The following AKT3 variants were observed in gnomAD, a reference collection of about 807,000 sequenced individuals.
AKT3 encodes AKT serine/threonine kinase 3.
Under a neutral mutation model 65.3 loss-of-function variants are expected in AKT3, and 15 were observed. That is an observed-to-expected ratio of 0.23 (90% confidence interval 0.15 to 0.35). The LOEUF is 0.35. Among genes scored for constraint, AKT3 ranks in the 10% least tolerant of loss-of-function variants. The probability of loss-of-function intolerance (pLI) is 1.00; values close to 1 mark genes in which losing one functional copy is unlikely to be tolerated. For synonymous variants in AKT3, 206 were observed against 183.8 expected (o/e 1.12, Z -0.98); for missense variants, 243 against 576.5 (o/e 0.42, Z 5.92).
At chr1:243,590,031 T>G (rs1398291525) in intron 8 of AKT3, among the ~76,000 whole-genome samples, 2 of 152,124 alleles carry the variant, frequency 1.3e-5, no homozygotes, top group African/African-American at 4.8e-5. Context: ...ATGGGGAATC[T>G]AAAAGAATCA....
At chr1:243,699,456 C>T (rs2148036837) in intron 2 of AKT3, among the ~76,000 whole-genome samples, 1 of 117,830 alleles carries the variant, frequency 8.5e-6, no homozygotes. Flanking sequence ...TCCAACCCAA[C>T]CTCTTCCACT....
At position 243,724,472 on chromosome 1, in the gene AKT3, T is replaced by C. The variant is rs1265337409; in HGVS notation, c.47-28756A>G. Among the ~76,000 whole-genome samples, 3 of 152,270 alleles carry C rather than the reference T, an allele frequency of 2.0e-5. No homozygotes were observed. In the East Asian group the frequency reaches 5.8e-4, roughly 29 times the overall value. Reference sequence around the variant, plus strand: ...TTTTCAAAAGCATATTTTTTTCAAATGCAAAAGTAAGGAATTTTTTCCTAC... The same window carrying C: ...TTTTCAAAAGCATATTTTTTTCAAACGCAAAAGTAAGGAATTTTTTCCTAC... On this transcript the variant is annotated intron_variant, in intron 2 of 13. Coordinates refer to ENST00000673466, the MANE Select transcript of AKT3 (RefSeq NM_005465.7).
chr1:243,567,819 A>G (rs1244141435), intron 9 of AKT3, among the ~76,000 whole-genome samples: 1 of 152,144 alleles, frequency 6.6e-6, no homozygotes, highest in Non-Finnish European at 1.5e-5. Context: ...AATAAAATGT[A>G]CAGTTCTGTT....
intron 12 of AKT3, among the ~76,000 whole-genome samples, chr1:243,514,020 A>AT (rs541214483): frequency 6.6e-5 from 10 of 151,812 alleles, no homozygotes; most frequent in Admixed American, 3.3e-4. Context: ...TGTTTTTTTT[A>AT]TTTTTTTTAG....
rs1671117704 is a variant in AKT3 at position 243,526,778 on chromosome 1, T to TAAAAAAAAAAAAAAA, written c.1252-14353_1252-14352insTTTTTTTTTTTTTTT. Among the ~76,000 whole-genome samples, 16 of 55,726 alleles carry TAAAAAAAAAAAAAAA rather than the reference T, an allele frequency of 2.9e-4. 5 individuals carry two copies. Among genetic ancestry groups the TAAAAAAAAAAAAAAA allele is most frequent in the African/African-American group, 7.3e-4 (12 of 16,498 alleles). 36.6% of individuals were successfully genotyped at this position (55,726 alleles called of 152,430 possible). On this transcript the variant is annotated intron_variant, in intron 12 of 13. Transcript: ENST00000673466. Reference sequence around the variant, plus strand: ...TTGCCAGCTGCACTACAAAAAATGGTTAAAAAAAAAAAAAAAAAAAAAAAA... The same window carrying TAAAAAAAAAAAAAAA: ...TTGCCAGCTGCACTACAAAAAATGGTAAAAAAAAAAAAAAATAAAAAAAAAAAAAAAAAAAAAAAA...
intron 2 of AKT3, among the ~76,000 whole-genome samples, chr1:243,794,037 T>C (rs1290401278): frequency 6.6e-6 from 1 of 152,176 alleles, no homozygotes; most frequent in Non-Finnish European, 1.5e-5. Flanking sequence ...AAAGCATTTT[T>C]TCTTTTTTTG....
intron 8 of AKT3, among the ~76,000 whole-genome samples, chr1:243,604,912 C>T (rs1359797410): frequency 6.6e-6 from 1 of 152,148 alleles, no homozygotes; most frequent in East Asian, 1.9e-4. Flanking sequence ...ATAATCAAAT[C>T]ACTCCCAAAC....
intron 2 of AKT3, among the ~76,000 whole-genome samples, chr1:243,834,771 G>GA (rs933456088): frequency 2.6e-5 from 4 of 151,156 alleles, no homozygotes; most frequent in Non-Finnish European, 3.0e-5. Flanking sequence ...TTCTTCAGGT[G>GA]AAAAAAAATA....
chr1:243,817,325 T>C (rs1020242626), intron 2 of AKT3, among the ~76,000 whole-genome samples: 41 of 152,312 alleles, frequency 2.7e-4, no homozygotes, highest in Admixed American at 1.8e-3. Flanking sequence ...TTACACAGCA[T>C]TGGTAACTGA....
At chr1:243,579,503 C>T (rs577597198) in intron 8 of AKT3, among the ~76,000 whole-genome samples, 24 of 152,198 alleles carry the variant, frequency 1.6e-4, no homozygotes, top group Middle Eastern at 3.4e-3. Flanking sequence ...ATTTGCTGTA[C>T]TTAGGAATTA....
intron 12 of AKT3, among the ~76,000 whole-genome samples, chr1:243,536,283 G>C (rs938217995): frequency 2.6e-4 from 40 of 152,148 alleles, no homozygotes; most frequent in Middle Eastern, 6.8e-3. Flanking sequence ...GGGGACTTAA[G>C]TCACACATTC....
intron 2 of AKT3, among the ~76,000 whole-genome samples, chr1:243,816,865 G>A (rs1693556843): frequency 6.6e-6 from 1 of 152,162 alleles, no homozygotes; most frequent in Non-Finnish European, 1.5e-5. Flanking sequence ...GTGGATTACA[G>A]GAGGCCATAA....
chr1:243,604,192 A>G (rs533414475), intron 8 of AKT3, among the ~76,000 whole-genome samples: 1 of 152,084 alleles, frequency 6.6e-6, no homozygotes, highest in Non-Finnish European at 1.5e-5. Flanking sequence ...ACCACATCCG[A>G]CAACCTTATC....
intron 12 of AKT3, among the ~76,000 whole-genome samples, chr1:243,517,889 C>A (rs1670466002): frequency 6.6e-6 from 1 of 152,206 alleles, no homozygotes; most frequent in African/African-American, 2.4e-5. Context: ...ATGTGATATT[C>A]CCAACTCCTA....
intron 4 of AKT3, among the ~76,000 whole-genome samples, chr1:243,646,868 T>C (rs966304642): frequency 4.6e-5 from 7 of 152,212 alleles, no homozygotes; most frequent in Non-Finnish European, 1.0e-4. Flanking sequence ...AGCTTGTAGT[T>C]TGAACAATCA....
chr1:243,538,734 G>A (rs1023589785), intron 12 of AKT3, among the ~76,000 whole-genome samples: 8 of 151,848 alleles, frequency 5.3e-5, no homozygotes, highest in Admixed American at 2.6e-4. Flanking sequence ...AGTGATGTAT[G>A]CTTGCAATCC....
In AKT3 at chr1:243,500,867, A is replaced by T. The variant is rs1476106706; in HGVS notation, c.*4382T>A. On this transcript the variant is annotated 3_prime_UTR_variant, in exon 14 of 14. Coordinates refer to ENST00000673466, the MANE Select transcript of AKT3 (RefSeq NM_005465.7). Reference sequence around the variant, plus strand: ...CAGTAGAACTTCTATTCAGATTCAGAAGTTTTTTATTTCATCAAATGTGCT... The same window carrying T: ...CAGTAGAACTTCTATTCAGATTCAGTAGTTTTTTATTTCATCAAATGTGCT... 1.7e-5 allele frequency: 4 copies of T among 228,798 alleles called. No individual in the cohort carries two copies. The highest frequency in any genetic ancestry group is 3.5e-5 in the Non-Finnish European group (4 of 115,406). 14.2% of individuals were successfully genotyped at this position (228,798 alleles called of 1,614,324 possible).
At chr1:243,748,402 T>C (rs764294334) in intron 2 of AKT3, among the ~76,000 whole-genome samples, 1 of 151,868 alleles carries the variant, frequency 6.6e-6, no homozygotes, top group Non-Finnish European at 1.5e-5. Context: ...TTCTAGTTGA[T>C]AGGAAGGCCA....
downstream of AKT3, among the ~76,000 whole-genome samples, chr1:243,496,075 A>C (rs1193404782): frequency 6.6e-6 from 1 of 152,260 alleles, no homozygotes; most frequent in Non-Finnish European, 1.5e-5. Context: ...ACAGATGATT[A>C]TGAAACCAAC....
Sources: gnomAD v4.1 joint callset for allele counts (sites outside exome capture counted in the v4.1 genomes callset) on GRCh38, gnomAD v4.1.1 for gene constraint, MANE v1.5 for transcripts, NCBI Gene and HGNC (gene_info 2026-07-23, HGNC 2026-07-21) for gene names.